The following LPAR1 variants were observed in gnomAD, a reference collection of about 807,000 sequenced individuals.
LPAR1 encodes LPA receptor 1.
LPAR1 carries 5 observed loss-of-function variants against 23.8 expected under a neutral mutation model. The ratio of observed to expected loss-of-function variants is 0.21; its 90% CI spans 0.11 to 0.44. LPAR1 has a LOEUF of 0.44. LPAR1 is among the 20% of genes least tolerant of loss of function. The pLI, the probability that LPAR1 is intolerant of heterozygous loss-of-function variation, is 0.99. For missense variants in LPAR1, 311 were observed against 482.8 expected (o/e 0.64, Z 3.33); for synonymous variants, 160 against 164.7 (o/e 0.97, Z 0.22).
chr9:110,903,202 G>T (rs752439823), intron 5 of LPAR1: 1 of 152,024 alleles, frequency 6.6e-6, no homozygotes, highest in South Asian at 2.1e-4. Context: ...TGAAACAGAA[G>T]AAGAACTTAT....
In LPAR1 at chr9:110,925,239, A is replaced by T. The variant is rs2093924207; in HGVS notation, c.793+16182T>A. ...TTGGATATAGATATAGATATATGAC[A>T]TAATATATATTTAATTATATATATA... On this transcript the variant is annotated intron_variant, in intron 5 of 5. Transcript: ENST00000683809. Among the ~76,000 whole-genome samples the T allele has an allele frequency of 2.0e-5, 3 of 149,960 alleles. No homozygotes were observed. The South Asian group carries it at 6.3e-4, about 31-fold the overall frequency.
chr9:110,920,032 C>T (rs758223108), intron 5 of LPAR1, among the ~76,000 whole-genome samples: 10 of 152,134 alleles, frequency 6.6e-5, no homozygotes, highest in Non-Finnish European at 1.5e-4. Context: ...GAGGAGGCAA[C>T]GTTTCATTTC....
intron 2 of LPAR1, among the ~76,000 whole-genome samples, chr9:111,027,588 C>T (rs902075440): frequency 7.9e-5 from 12 of 151,836 alleles, no homozygotes; most frequent in African/African-American, 2.7e-4. Flanking sequence ...TCTAAGAAGT[C>T]AGAAGAAAAG....
At chr9:110,909,729 G>GTATTTATT (rs56693702) in intron 5 of LPAR1, among the ~76,000 whole-genome samples, 9,799 of 147,796 alleles carry the variant, frequency 0.066, 408 homozygotes, top group South Asian at 0.097. Context: ...ATTAAATAAA[G>GTATTTATT]TATTTATTTA....
chr9:110,917,073 C>G (rs1191145991), intron 5 of LPAR1, among the ~76,000 whole-genome samples: 1 of 151,306 alleles, frequency 6.6e-6, no homozygotes, highest in Non-Finnish European at 1.5e-5. Flanking sequence ...TACAGCGGCT[C>G]ACGGCTGTAA....
intron 5 of LPAR1, among the ~76,000 whole-genome samples, chr9:110,940,893 A>G (rs1588443779): frequency 6.6e-6 from 1 of 152,232 alleles, no homozygotes; most frequent in South Asian, 2.1e-4. Context: ...AGTTTTCATG[A>G]AGATGACTGT....
intron 2 of LPAR1, among the ~76,000 whole-genome samples, chr9:111,000,969 T>C (rs1314999539): frequency 6.6e-6 from 1 of 151,684 alleles, no homozygotes; most frequent in Non-Finnish European, 1.5e-5. Flanking sequence ...AAGCTCATAA[T>C]AACCCCTTTT....
chr9:110,931,489 C>T (rs1028152197), intron 5 of LPAR1, among the ~76,000 whole-genome samples: 1 of 152,152 alleles, frequency 6.6e-6, no homozygotes. Flanking sequence ...AAAAAAAATT[C>T]TGATGGTAGT....
At chr9:110,924,814 C>T (rs2093894481) in intron 5 of LPAR1, among the ~76,000 whole-genome samples, 1 of 152,146 alleles carries the variant, frequency 6.6e-6, no homozygotes, top group Admixed American at 6.6e-5. Context: ...TAAAGCTTTC[C>T]TGATTTTACT....
At chr9:111,017,187 G>A (rs1220200755) in intron 2 of LPAR1, among the ~76,000 whole-genome samples, 2 of 152,078 alleles carry the variant, frequency 1.3e-5, no homozygotes, top group Non-Finnish European at 2.9e-5. Context: ...AGCACCCTAA[G>A]GTGGGCCCTT....
chr9:110,965,589 T>A (rs2096186855), intron 4 of LPAR1, among the ~76,000 whole-genome samples: 1 of 152,168 alleles, frequency 6.6e-6, no homozygotes, highest in Admixed American at 6.5e-5. Flanking sequence ...CTCACACCAG[T>A]TAGAATGATG....
At chr9:111,008,455 A>T (rs141843059) in intron 2 of LPAR1, among the ~76,000 whole-genome samples, 1 of 152,180 alleles carries the variant, frequency 6.6e-6, no homozygotes, top group East Asian at 1.9e-4. Flanking sequence ...TAACAATAAT[A>T]AACTAGGGAG....
At chr9:110,908,506 T>C (rs1588258273) in intron 5 of LPAR1, among the ~76,000 whole-genome samples, 1 of 152,060 alleles carries the variant, frequency 6.6e-6, no homozygotes, top group African/African-American at 2.4e-5. Flanking sequence ...AAAAGGGAAA[T>C]ATAAAGCAGA....
intron 5 of LPAR1, among the ~76,000 whole-genome samples, chr9:110,932,428 G>T (rs981911362): frequency 2.0e-5 from 3 of 152,240 alleles, no homozygotes; most frequent in African/African-American, 4.8e-5. Flanking sequence ...GTGAAGCTAG[G>T]ACCGGCTAGA....
chr9:110,923,108 T>C (rs1226663271), intron 5 of LPAR1, among the ~76,000 whole-genome samples: 1 of 152,090 alleles, frequency 6.6e-6, no homozygotes, highest in African/African-American at 2.4e-5. Context: ...AGAAGCATCA[T>C]GGGTCCTGAC....
chr9:110,944,339 A>G (rs2095296642), intron 4 of LPAR1, among the ~76,000 whole-genome samples: 1 of 152,214 alleles, frequency 6.6e-6, no homozygotes. Flanking sequence ...ATAGTATCCA[A>G]CTGTTCTATG....
chr9:110,884,040 G>A (rs1455302237), intron 5 of LPAR1, among the ~76,000 whole-genome samples: 2 of 148,520 alleles, frequency 1.3e-5, no homozygotes, highest in Non-Finnish European at 3.0e-5. Flanking sequence ...TCAGAACACT[G>A]TCTTCTAGTA....
At chr9:110,960,237 G>A (rs886910946) in intron 4 of LPAR1, among the ~76,000 whole-genome samples, 1 of 152,116 alleles carries the variant, frequency 6.6e-6, no homozygotes, top group East Asian at 1.9e-4. Context: ...AAGTACATGA[G>A]GTGATGAATA....
At chr9:110,915,508 T>C (rs1388118204) in intron 5 of LPAR1, among the ~76,000 whole-genome samples, 1 of 152,064 alleles carries the variant, frequency 6.6e-6, no homozygotes, top group Non-Finnish European at 1.5e-5. Flanking sequence ...ATCACGCCAT[T>C]GCACTCCAGC....
Sources: allele counts gnomAD v4.1 joint callset (sites outside exome capture counted in the v4.1 genomes callset), GRCh38; gene constraint gnomAD v4.1.1; transcripts MANE v1.5; gene names NCBI Gene and HGNC (gene_info 2026-07-23, HGNC 2026-07-21).